The following RGL1 variants were observed in gnomAD, a reference collection of about 807,000 sequenced individuals.
The protein encoded by RGL1 is ral guanine nucleotide dissociation stimulator like 1, also known as ral guanine nucleotide dissociation stimulator-like 1.
A neutral mutation model predicts 95.2 loss-of-function variants in RGL1; 24 were observed. The ratio of observed to expected loss-of-function variants is 0.25; its 90% CI spans 0.18 to 0.35. RGL1 has a LOEUF of 0.35. Among genes scored for constraint, RGL1 ranks in the 10% least tolerant of loss-of-function variants. The probability of loss-of-function intolerance (pLI) is 1.00; values close to 1 mark genes in which losing one functional copy is unlikely to be tolerated. For synonymous variants in RGL1, 329 were observed against 344.9 expected, an observed-to-expected ratio of 0.95 and a Z score of 0.51; for missense variants, 715 against 936.3, an observed-to-expected ratio of 0.76 and a Z score of 3.08.
At chr1:183,723,477 T>C (rs1185415212) in intron 1 of RGL1, among the ~76,000 whole-genome samples, 1 of 152,228 alleles carries the variant, frequency 6.6e-6, no homozygotes, top group Non-Finnish European at 1.5e-5. Flanking sequence ...AGTGGCCGCA[T>C]AGCAAAGAGA....
intron 2 of RGL1, among the ~76,000 whole-genome samples, chr1:183,783,555 G>C (rs1224116088): frequency 1.3e-5 from 2 of 152,100 alleles, no homozygotes; most frequent in Non-Finnish European, 2.9e-5. Context: ...ATCCTTGATG[G>C]ACTATTACTC....
At chr1:183,685,523 ACAATT>A (rs1653521638) in intron 1 of RGL1, among the ~76,000 whole-genome samples, 1 of 152,238 alleles carries the variant, frequency 6.6e-6, no homozygotes, top group South Asian at 2.1e-4. Flanking sequence ...AATGTTACAT[ACAATT>A]ACATTAAATG....
intron 16 of RGL1, among the ~76,000 whole-genome samples, chr1:183,920,876 C>T (rs1669274451): frequency 6.6e-6 from 1 of 152,214 alleles, no homozygotes; most frequent in African/African-American, 2.4e-5. Context: ...ACACCAGCTG[C>T]TGCCCCAGAT....
In RGL1 at chr1:183,653,979, G is replaced by A. The variant is rs1486071625; in HGVS notation, c.-33+17478G>A. Among the ~76,000 whole-genome samples the A allele has an allele frequency of 2.0e-5, 3 of 152,116 alleles. No homozygotes were observed. In the South Asian group the frequency reaches 6.2e-4, roughly 32 times the overall value. On this transcript the variant is annotated intron_variant, in intron 1 of 18. Transcript: ENST00000304685. ...ATTATTCCCTCATTCCCCTTTCCCA[G>A]GCCACCTGAAGGAGTGAGTGGGGAT...
At chr1:183,785,196 G>A (rs1660096176) in intron 2 of RGL1, among the ~76,000 whole-genome samples, 1 of 152,122 alleles carries the variant, frequency 6.6e-6, no homozygotes, top group Admixed American at 6.5e-5. Flanking sequence ...TCCTTAGCAT[G>A]GCCCCCACCC....
At chr1:183,856,862 G>T (rs537765398) in intron 3 of RGL1, among the ~76,000 whole-genome samples, 58 of 152,114 alleles carry the variant, frequency 3.8e-4, no homozygotes, top group Non-Finnish European at 5.7e-4. Context: ...TTCATAAAAG[G>T]TCTCAGGCTC....
At chr1:183,918,577 G>A (rs1175918295) in intron 16 of RGL1, among the ~76,000 whole-genome samples, 1 of 152,206 alleles carries the variant, frequency 6.6e-6, no homozygotes. Flanking sequence ...AACTGTGAGT[G>A]GTTGGACTGC....
intron 4 of RGL1, 106 bp downstream of exon 4, chr1:183,866,179 C>A: frequency 1.1e-6 from 1 of 889,480 alleles, no homozygotes; most frequent in African/African-American, 1.7e-5. Flanking sequence ...ATTTTTTTTT[C>A]CATAGTGCAT....
chr1:183,752,614 CT>C (rs36165485), intron 2 of RGL1, among the ~76,000 whole-genome samples: 20 of 123,944 alleles, frequency 1.6e-4, no homozygotes, highest in Middle Eastern at 4.1e-3. Flanking sequence ...CTCGAGAACA[CT>C]TTTTTTTTTC....
chr1:183,761,630 T>C (rs1558192954), intron 2 of RGL1, among the ~76,000 whole-genome samples: 1 of 152,220 alleles, frequency 6.6e-6, no homozygotes, highest in Non-Finnish European at 1.5e-5. Flanking sequence ...TAACTTAAAG[T>C]AAGCAGCTGC....
At chr1:183,886,153 C>A (rs1478750236) in intron 7 of RGL1, among the ~76,000 whole-genome samples, 1 of 152,050 alleles carries the variant, frequency 6.6e-6, no homozygotes, top group Non-Finnish European at 1.5e-5. Context: ...CTTTTGCTGT[C>A]TTTGATTAAA....
At chr1:183,697,455 G>T (rs561361591) in intron 1 of RGL1, among the ~76,000 whole-genome samples, 1 of 152,284 alleles carries the variant, frequency 6.6e-6, no homozygotes, top group Non-Finnish European at 1.5e-5. Flanking sequence ...ACTACTATAT[G>T]CCAAGTGTTT....
At chr1:183,716,747 C>A (rs912447468) in intron 1 of RGL1, among the ~76,000 whole-genome samples, 2 of 152,222 alleles carry the variant, frequency 1.3e-5, no homozygotes, top group Non-Finnish European at 2.9e-5. Context: ...GGCTGGTGAT[C>A]TTTTCTTGTC....
In RGL1 at chr1:183,701,071, C is replaced by A. The variant is rs137960530; in HGVS notation, c.-32-41055C>A. 1.2e-4 allele frequency among the ~76,000 whole-genome samples: 19 copies of A among 152,272 alleles called. No homozygotes were observed. The East Asian group carries it at 3.1e-3, about 25-fold the overall frequency. On this transcript the variant is annotated intron_variant, in intron 1 of 18. Transcript: ENST00000304685. ...GCTTCCAGCTTCATCCATGTCCCTG[C>A]AAAGGACATGAATTCATTCTTTTTT...
At chr1:183,645,375 C>T (rs1159497845) in intron 1 of RGL1, among the ~76,000 whole-genome samples, 1 of 152,202 alleles carries the variant, frequency 6.6e-6, no homozygotes, top group Non-Finnish European at 1.5e-5. Flanking sequence ...AAACCCTGGA[C>T]CTTGGTAGAT....
At chr1:183,663,415 C>G (rs1651790824) in intron 1 of RGL1, among the ~76,000 whole-genome samples, 2 of 152,068 alleles carry the variant, frequency 1.3e-5, no homozygotes, top group Admixed American at 1.3e-4. Flanking sequence ...TATGAGCATA[C>G]ACTTCTTAAA....
chr1:183,657,759 A>G (rs1651285391), intron 1 of RGL1, among the ~76,000 whole-genome samples: 1 of 151,544 alleles, frequency 6.6e-6, no homozygotes, highest in Non-Finnish European at 1.5e-5. Flanking sequence ...ATACGTGTGC[A>G]TGTGTCTTTA....
chr1:183,796,712 C>T (rs1660720348), intron 2 of RGL1, among the ~76,000 whole-genome samples: 1 of 152,142 alleles, frequency 6.6e-6, no homozygotes, highest in Non-Finnish European at 1.5e-5. Flanking sequence ...GAGATTCCTT[C>T]AGTCCCACAA....
At chr1:183,719,177 T>C (rs1391671340) in intron 1 of RGL1, among the ~76,000 whole-genome samples, 3 of 152,216 alleles carry the variant, frequency 2.0e-5, no homozygotes, top group South Asian at 2.1e-4. Flanking sequence ...GGAGTAGCAC[T>C]TAGGGGCAAA....
Sources: allele counts gnomAD v4.1 joint callset (sites outside exome capture counted in the v4.1 genomes callset), GRCh38; gene constraint gnomAD v4.1.1; transcripts MANE v1.5; gene names NCBI Gene and HGNC (gene_info 2026-07-23, HGNC 2026-07-21).